CHN2: variants seen among roughly 807,000 people sequenced by gnomAD.
CHN2 encodes chimerin 2.
Under a neutral mutation model 56.3 loss-of-function variants are expected in CHN2, and 35 were observed. That is an observed-to-expected ratio of 0.62 (90% confidence interval 0.47 to 0.82). The LOEUF (loss-of-function observed/expected upper bound fraction) is 0.82. Ranked by LOEUF, CHN2 falls within the 40% of genes least tolerant of loss-of-function variation. The pLI is 0.00. For missense variants in CHN2, 491 were observed against 580.5 expected, an observed-to-expected ratio of 0.85 and a Z score of 1.58; for synonymous variants, 210 against 212.8, an observed-to-expected ratio of 0.99 and a Z score of 0.12.
intron 1 of CHN2, among the ~76,000 whole-genome samples, chr7:29,208,125 T>C (rs774718239): frequency 3.3e-5 from 5 of 152,198 alleles, no homozygotes; most frequent in Non-Finnish European, 7.3e-5. Context: ...TTTCTGTTAA[T>C]TGGAGGAAGA....
chr7:29,278,722 C>G (rs1425525692), intron 1 of CHN2, among the ~76,000 whole-genome samples: 1 of 152,144 alleles, frequency 6.6e-6, no homozygotes, highest in Non-Finnish European at 1.5e-5. Context: ...GCCGAGGGAC[C>G]CCAGTGCCCT....
intron 1 of CHN2, among the ~76,000 whole-genome samples, chr7:29,328,741 G>A (rs1334312113): frequency 6.6e-6 from 1 of 151,168 alleles, no homozygotes; most frequent in African/African-American, 2.4e-5. Context: ...TTTATAAATC[G>A]AGTCTCAGGT....
In CHN2 at chr7:29,313,040, C is replaced by G. The variant is rs148572785; in HGVS notation, c.50-41585C>G. Among the ~76,000 whole-genome samples the G allele has an allele frequency of 4.2e-3, 633 of 152,266 alleles. 1 individual carries two copies. Among genetic ancestry groups the G allele is most frequent in the Middle Eastern group, 0.01 (3 of 294 alleles). The stretch of plus-strand genomic sequence containing the variant: ...TTGGGTAATCATACAACTCATATTT[C>G]CAGAACTTTATCTTTTACATGTATT... On this transcript the variant is annotated intron_variant, in intron 1 of 12. Coordinates refer to ENST00000222792, the MANE Select transcript of CHN2 (RefSeq NM_004067.4).
At chr7:29,471,072 G>A (rs1785986021) in intron 6 of CHN2, among the ~76,000 whole-genome samples, 1 of 152,146 alleles carries the variant, frequency 6.6e-6, no homozygotes, top group African/African-American at 2.4e-5. Flanking sequence ...AAGTTTTAAG[G>A]AGTTTGATTT....
rs182881131 is a variant in CHN2, at chr7:29,213,165, A to C, written c.49+18175A>C. 1.7e-5 allele frequency: 24 copies of C among 1,453,144 alleles called. No homozygotes were observed. In the East Asian group the frequency reaches 5.4e-4, roughly 33 times the overall value. The allele number at this position is 1,453,144 out of a possible 1,614,324, so 90.0% of individuals were successfully genotyped here. A position where few individuals can be genotyped will look rare whatever the true frequency, so the allele number is the denominator to read the frequency against. ...TAGGTATTTTAGTACTCCACAAACC[A>C]TGGATTTATTCCTAAACTACTCCAC... is the stretch of plus-strand genomic sequence containing the variant. On this transcript the variant is annotated intron_variant, in intron 1 of 12. Coordinates refer to ENST00000222792, the MANE Select transcript of CHN2 (RefSeq NM_004067.4).
At chr7:29,168,303 C>T (rs1796169790) in intron 2 of CHN2, among the ~76,000 whole-genome samples, 1 of 152,066 alleles carries the variant, frequency 6.6e-6, no homozygotes, top group African/African-American at 2.4e-5. Context: ...ATTTTGGATT[C>T]TCATCTTGTG....
Position 29,509,305 on chromosome 7 carries a change from C to A in CHN2, c.1134C>A (p.Ile378=), listed in dbSNP as rs1790992326. Residue 378 remains isoleucine (I), a synonymous_variant, in exon 12 of 13, where the codon ATC becomes ATA. Transcript: ENST00000222792. ...CATCATGCGTGAACTTCACAGAAAT[C>A]TCCAATGCAGATGAGAGGCTGGAAG... The part of the protein sequence containing the change: ...TYSKFIDAAK[I]SNADERLEAV... 1.2e-6 allele frequency: 2 copies of A among 1,613,258 alleles called. No individual in the cohort carries two copies. Among genetic ancestry groups the A allele is most frequent in the Non-Finnish European group, 1.7e-6 (2 of 1,179,238 alleles).
intron 6 of CHN2, among the ~76,000 whole-genome samples, chr7:29,409,029 T>A (rs1802931533): frequency 6.6e-6 from 1 of 152,152 alleles, no homozygotes; most frequent in African/African-American, 2.4e-5. Flanking sequence ...CAAGAACAAA[T>A]TTTTCAGCAA....
At chr7:29,473,482 T>TTTTTTTGTG (rs539151442) in intron 6 of CHN2, among the ~76,000 whole-genome samples, 26 of 118,188 alleles carry the variant, frequency 2.2e-4, no homozygotes, top group African/African-American at 6.6e-4. Context: ...TTTTTTTTTT[T>TTTTTTTGTG]TGTGTGTGTG....
intron 3 of CHN2, 68 bp downstream of exon 3, chr7:29,368,055 G>A: frequency 7.5e-7 from 1 of 1,338,226 alleles, no homozygotes; most frequent in Non-Finnish European, 1.0e-6. Context: ...TGTAGAGAGT[G>A]GAGGGATTTC....
At chr7:29,293,462 T>G (rs1331642682) in intron 1 of CHN2, among the ~76,000 whole-genome samples, 1 of 149,732 alleles carries the variant, frequency 6.7e-6, no homozygotes, top group Non-Finnish European at 1.5e-5. Context: ...TCCTCCACCT[T>G]GAAGGTGCTC....
chr7:29,394,697 C>CT (rs1585249779), intron 4 of CHN2, among the ~76,000 whole-genome samples: 1 of 152,168 alleles, frequency 6.6e-6, no homozygotes, highest in African/African-American at 2.4e-5. Context: ...TGTAGTATGG[C>CT]TTTTTTTCCT....
At chr7:29,330,542 T>C (rs368060347) in intron 1 of CHN2, among the ~76,000 whole-genome samples, 8 of 152,246 alleles carry the variant, frequency 5.3e-5, no homozygotes, top group African/African-American at 1.9e-4. Flanking sequence ...TGGCCTCTGA[T>C]TGACCTTCCA....
At chr7:29,240,293 G>GTGCCCTT (rs1414974414) in intron 1 of CHN2, among the ~76,000 whole-genome samples, 2 of 152,170 alleles carry the variant, frequency 1.3e-5, no homozygotes, top group African/African-American at 2.4e-5. Context: ...AGAGCATTTG[G>GTGCCCTT]TCCCCTTTCC....
chr7:29,251,645 T>C (rs1320562218), intron 1 of CHN2, among the ~76,000 whole-genome samples: 1 of 152,118 alleles, frequency 6.6e-6, no homozygotes, highest in East Asian at 1.9e-4. Context: ...TCAGAGAGAA[T>C]AAGATAATTC....
At chr7:29,234,997 A>T (rs1457003190) in intron 1 of CHN2, among the ~76,000 whole-genome samples, 2 of 152,186 alleles carry the variant, frequency 1.3e-5, no homozygotes, top group African/African-American at 4.8e-5. Flanking sequence ...TTTAGTAAGT[A>T]TTGATCTAAG....
At chr7:29,339,590 C>T (rs1231487876) in intron 1 of CHN2, among the ~76,000 whole-genome samples, 13 of 152,290 alleles carry the variant, frequency 8.5e-5, no homozygotes, top group African/African-American at 2.2e-4. Flanking sequence ...CGGTGGCTCA[C>T]GCCTATAATC....
chr7:29,414,619 C>T (rs1803548291), intron 6 of CHN2, among the ~76,000 whole-genome samples: 1 of 152,078 alleles, frequency 6.6e-6, no homozygotes, highest in Non-Finnish European at 1.5e-5. Context: ...CCGCCTGACC[C>T]CAGTGTGGCA....
intron 6 of CHN2, among the ~76,000 whole-genome samples, chr7:29,419,846 G>A (rs920015928): frequency 3.9e-5 from 6 of 152,066 alleles, no homozygotes; most frequent in African/African-American, 1.2e-4. Context: ...CACTTTGGGA[G>A]GCCAGGAGTT....
Sources: gnomAD v4.1 joint callset for allele counts (sites outside exome capture counted in the v4.1 genomes callset) on GRCh38, gnomAD v4.1.1 for gene constraint, MANE v1.5 for transcripts, NCBI Gene and HGNC (gene_info 2026-07-23, HGNC 2026-07-21) for gene names.